Variants in CEP72 observed in about 807,000 individuals in gnomAD.
The protein encoded by CEP72 is centrosomal protein of 72 kDa.
In CEP72, 78 loss-of-function variants were observed where a neutral mutation model predicts 65.7. The observed-to-expected ratio is 1.19, with a 90% confidence interval of 0.99 to 1.43. The LOEUF is 1.43. Ranked by LOEUF, CEP72 falls within the 40% of genes most tolerant of loss-of-function variation. The pLI, the probability that CEP72 is intolerant of heterozygous loss-of-function variation, is 0.00. For synonymous variants in CEP72, 358 were observed against 351.7 expected (o/e 1.02, Z -0.20); for missense variants, 914 against 832.9 (o/e 1.10, Z -1.20).
In CEP72 at chr5:642,998, C is replaced by T. The variant is rs564327969; in HGVS notation, c.1540-1301C>T. 3.1e-4 allele frequency: 301 copies of T among 985,358 alleles called. 1 individual carries two copies. Among genetic ancestry groups the T allele is most frequent in the Admixed American group, 3.7e-4 (6 of 16,272 alleles). 61.0% of individuals were successfully genotyped at this position (985,358 alleles called of 1,614,324 possible). A position where few individuals can be genotyped will look rare whatever the true frequency, so the allele number is the denominator to read the frequency against. ...CACGGCCTCTGAGGCAGATGGGCTG[C>T]GCCCAGCTTGGGTGCAGTCGGTCCT... On this transcript the variant is annotated intron_variant, in intron 9 of 11. Transcript: ENST00000264935.
chr5:624,190 G>A lies in CEP72; in HGVS notation c.404-281G>A, dbSNP rs1736582669. 1.3e-5 allele frequency among the ~76,000 whole-genome samples: 2 copies of A among 152,336 alleles called. No homozygotes were observed. The highest frequency in any genetic ancestry group is 3.9e-4 in the East Asian group (2 of 5,184). Reference sequence around the variant, plus strand: ...GAGAATCCCACCCCGCACCCGGTGTGCACTTTAGAGAAAGGGTGTGCGTGT... The same window carrying A: ...GAGAATCCCACCCCGCACCCGGTGTACACTTTAGAGAAAGGGTGTGCGTGT... On this transcript the variant is annotated intron_variant, in intron 3 of 11. Transcript: ENST00000264935. This position sits in a 1 kb window ranked among gnomAD's most constrained non-coding sequence, Gnocchi z 4.7.
chr5:650,123 C>T (rs1330239273), intron 11 of CEP72, among the ~76,000 whole-genome samples: 3 of 50,200 alleles, frequency 6.0e-5, no homozygotes, highest in Admixed American at 3.0e-4. Context: ...GACTGTGAGG[C>T]GTGGACTGTG....
At chr5:652,528 C>T (rs1382054594) in intron 11 of CEP72, among the ~76,000 whole-genome samples, 1 of 152,220 alleles carries the variant, frequency 6.6e-6, no homozygotes, top group East Asian at 1.9e-4. Context: ...TGGTCAACAG[C>T]ATTAAAGACT....
At chr5:634,263 G>A (rs1737434662) in intron 5 of CEP72, among the ~76,000 whole-genome samples, 1 of 152,234 alleles carries the variant, frequency 6.6e-6, no homozygotes, top group Non-Finnish European at 1.5e-5. Context: ...GCTGACATCT[G>A]CGGCAGCTGC....
downstream of CEP72, among the ~76,000 whole-genome samples, chr5:668,425 C>T (rs11749840): frequency 0.054 from 4,888 of 91,340 alleles, 591 homozygotes; most frequent in African/African-American, 0.15. Context: ...GAGGGGGCCG[C>T]GTGGGCGCCG....
Position 623,541 on chromosome 5 carries a change from A to G in CEP72, c.404-930A>G, listed in dbSNP as rs1736536479. ...CATTAGAATTTACACAACAGTCCAG[A>G]GAAATGTTCTTGGAGTACGGGATTT... On this transcript the variant is annotated intron_variant, in intron 3 of 11. Coordinates refer to ENST00000264935, the MANE Select transcript of CEP72 (RefSeq NM_018140.4). The surrounding 1 kb of genome is among the most constrained non-coding windows in gnomAD (Gnocchi z 5.3). Among the ~76,000 whole-genome samples the G allele has an allele frequency of 6.6e-6, 1 of 151,878 alleles. No individual in the cohort carries two copies. Among genetic ancestry groups the G allele is most frequent in the African/African-American group, 2.4e-5 (1 of 41,294 alleles).
rs897255610 is a variant in CEP72, at chr5:628,418, A to G, written c.512+3839A>G. Among the ~76,000 whole-genome samples, 655 of 128,842 alleles carry G rather than the reference A, an allele frequency of 5.1e-3. 2 individuals are homozygous for G. The highest frequency in any genetic ancestry group is 0.013 in the Admixed American group (170 of 13,028). 84.5% of individuals were successfully genotyped at this position (128,842 alleles called of 152,430 possible). On this transcript the variant is annotated intron_variant, in intron 4 of 11. Coordinates refer to ENST00000264935, the MANE Select transcript of CEP72 (RefSeq NM_018140.4). ...GCAGCTTCTGGAGAACTCAGGTCACAGGCCCCGGGGATTGGCCCCAGGACC... is the reference window on the plus strand; with the variant it reads ...GCAGCTTCTGGAGAACTCAGGTCACGGGCCCCGGGGATTGGCCCCAGGACC...
At chr5:669,954 C>G (rs1740148824), downstream of CEP72, among the ~76,000 whole-genome samples, 1 of 152,140 alleles carries the variant, frequency 6.6e-6, no homozygotes. Flanking sequence ...GAGTGTGGAG[C>G]TCGGCATCCT....
At chr5:637,304 C>A (rs367894080) in intron 6 of CEP72, among the ~76,000 whole-genome samples, 1 of 152,342 alleles carries the variant, frequency 6.6e-6, no homozygotes, top group East Asian at 1.9e-4. Context: ...ATGCCCCTTT[C>A]TTCCCTCGGC....
chr5:619,201 G>C (rs1736211671), intron 2 of CEP72, 84 bp downstream of exon 2: 2 of 1,325,102 alleles, frequency 1.5e-6, no homozygotes, highest in African/African-American at 2.9e-5. Flanking sequence ...AGTCTGTTTT[G>C]TAACCCTCTG....
Position 644,413 on chromosome 5 carries a change from T to C in CEP72, c.1654T>C (p.Leu552=). 1.2e-6 allele frequency: 2 copies of C among 1,613,806 alleles called. No homozygotes were observed. Among genetic ancestry groups the C allele is most frequent in the Non-Finnish European group, 1.7e-6 (2 of 1,179,924 alleles). The change falls in exon 10 of 12, where the codon TTG becomes CTG. Residue 552 remains leucine, a synonymous_variant. Coordinates refer to ENST00000264935, the MANE Select transcript of CEP72 (RefSeq NM_018140.4). ...KSADTAATLN[L]QIAGLQTSVK... The stretch of plus-strand genomic sequence containing the variant: ...TGCAGACACTGCAGCCACGTTAAAT[T>C]TGCAGATCGCTGGTAAGTTGATCGT...
chr5:647,813 A>G lies in CEP72; in HGVS notation c.1675A>G (p.Thr559Ala), dbSNP rs1738520007. The G allele has an allele frequency of 3.1e-6, 5 of 1,609,574 alleles. No individual in the cohort carries two copies. The highest frequency in any genetic ancestry group is 1.7e-5 in the Admixed American group (1 of 59,520). ...TTTTCTTTCTCTTTCAGGACTTCAA[A>G]CAAGTGTGAAGAGGCTGTGTGGCGA... is the stretch of plus-strand genomic sequence containing the variant. ...TLNLQIAGLQ[T>A]SVKRLCGEIV... The change falls in exon 11 of 12, where the codon ACA becomes GCA. Residue 559 changes from threonine (T) to alanine (A), a missense_variant. Thr to Ala is a moderately conservative substitution (Grantham distance 58). Transcript: ENST00000264935.
chr5:640,492 C>T lies in CEP72; in HGVS notation c.1427C>T (p.Ser476Phe). ...SSAMVGEDVG[S>F]LALESKSLQS... ...GCGATGGTGGGTGAAGATGTCGGCTCCCTGGCTCTGGAGAGTAAGTCCCTG... is the reference window on the plus strand; with the variant it reads ...GCGATGGTGGGTGAAGATGTCGGCTTCCTGGCTCTGGAGAGTAAGTCCCTG... The change falls in exon 9 of 12, where the codon TCC (serine) becomes TTC (phenylalanine). Residue 476 changes from serine (S) to phenylalanine (F), a missense_variant. Ser to Phe is a radical substitution (Grantham distance 155). Coordinates refer to ENST00000264935, the MANE Select transcript of CEP72 (RefSeq NM_018140.4). The T allele has an allele frequency of 6.2e-7, 1 of 1,614,152 alleles. No homozygotes were observed. Among genetic ancestry groups the T allele is most frequent in the Non-Finnish European group, 8.5e-7 (1 of 1,180,042 alleles).
At chr5:664,097 G>GGA (rs1739798707) in intron 2 of CEP72, 1 of 152,568 alleles carries the variant, frequency 6.6e-6, no homozygotes, top group Admixed American at 6.5e-5. Flanking sequence ...CGGCGGGGGG[G>GGA]ATTGGCCAGG....
the CEP72 span, among the ~76,000 whole-genome samples, chr5:672,329 G>T: frequency 6.6e-6 from 1 of 152,214 alleles, no homozygotes; most frequent in Non-Finnish European, 1.5e-5. Flanking sequence ...CCAGCGTCCA[G>T]GTATCAGTCT....
chr5:635,458 T>C lies in CEP72; in HGVS notation c.778T>C (p.Cys260Arg), dbSNP rs1232865200. 6.2e-7 allele frequency: 1 copy of C among 1,614,086 alleles called. No homozygotes were observed. ...GGGCCGTGAGACGAGGAGGAGCAGC[T>C]GCAGAGGGTGCTGTCTGGAGAAGAT... ...KQGRETRRSS[C>R]RGCCLEKMPW... The change falls in exon 6 of 12, where the codon TGC becomes CGC. Residue 260 changes from cysteine to arginine, a missense_variant. Physicochemically the swap from Cys to Arg is radical, Grantham distance 180 (BLOSUM62 -3). Transcript: ENST00000264935.
intron 7 of CEP72, among the ~76,000 whole-genome samples, chr5:638,768 G>A (rs371314397): frequency 6.6e-6 from 1 of 152,130 alleles, no homozygotes; most frequent in East Asian, 1.9e-4. Context: ...TTGAACACAG[G>A]CTCTGACTGC....
chr5:648,882 T>C (rs185655632), intron 11 of CEP72, among the ~76,000 whole-genome samples: 75 of 31,058 alleles, frequency 2.4e-3, no homozygotes, highest in African/African-American at 4.5e-3. Context: ...GACTGTGAGG[T>C]GTGACTGTGA....
At chr5:639,245 C>G (rs1257880068) in intron 8 of CEP72, 21 bp downstream of exon 8, 1 of 1,548,216 alleles carries the variant, frequency 6.5e-7, no homozygotes, top group Admixed American at 1.9e-5. Context: ...GCGGCCACTG[C>G]TCTTGCCCTG....
Sources: allele counts gnomAD v4.1 joint callset (sites outside exome capture counted in the v4.1 genomes callset), GRCh38; gene constraint gnomAD v4.1.1; non-coding constraint Gnocchi (gnomAD v3.1); transcripts MANE v1.5; gene names NCBI Gene and HGNC (gene_info 2026-07-23, HGNC 2026-07-21).